Variants in PLXNA4 observed in about 807,000 individuals in gnomAD.
PLXNA4 encodes plexin-A4.
Under a neutral mutation model 191.8 loss-of-function variants are expected in PLXNA4, and 44 were observed. The ratio of observed to expected loss-of-function variants is 0.23; its 90% CI spans 0.18 to 0.29. The LOEUF (loss-of-function observed/expected upper bound fraction) is 0.29, where lower values mean the gene tolerates loss of function less well. PLXNA4 is among the 10% of genes least tolerant of loss of function. PLXNA4 has a pLI of 1.00. For synonymous variants in PLXNA4, 1,082 were observed against 1,009.5 expected (o/e 1.07, Z -1.36); for missense variants, 1,800 against 2,488.8 (o/e 0.72, Z 5.89).
chr7:132,221,437 T>G (rs1798141978), intron 9 of PLXNA4, among the ~76,000 whole-genome samples: 1 of 152,228 alleles, frequency 6.6e-6, no homozygotes, highest in South Asian at 2.1e-4. Context: ...TCCCATCAAG[T>G]TATTTGCAGG....
chr7:132,191,795 T>TCTCTCTCTCTCTCTCTCC (rs1689310153), intron 14 of PLXNA4, among the ~76,000 whole-genome samples: 1 of 151,456 alleles, frequency 6.6e-6, no homozygotes, highest in African/African-American at 2.4e-5. Flanking sequence ...TCTCTCTCTC[T>TCTCTCTCTCTCTCTCTCC]GTCTCTATGT....
intron 4 of PLXNA4, chr7:132,271,252 A>G (rs1442285205): frequency 2.0e-5 from 3 of 152,262 alleles, no homozygotes; most frequent in East Asian, 1.9e-4. Context: ...GAGAAATAAA[A>G]TGTTATGTGT....
intron 24 of PLXNA4, among the ~76,000 whole-genome samples, chr7:132,162,715 A>G (rs1795986969): frequency 1.3e-5 from 2 of 152,052 alleles, no homozygotes; most frequent in African/African-American, 4.8e-5. Context: ...GCCAGAAAGC[A>G]GGGGCCTCAT....
intron 13 of PLXNA4, among the ~76,000 whole-genome samples, chr7:132,194,587 C>T (rs1797195730): frequency 6.6e-6 from 1 of 152,160 alleles, no homozygotes; most frequent in Non-Finnish European, 1.5e-5. Context: ...TGGAACAGAC[C>T]TAAGGTTTTC....
intron 7 of PLXNA4, among the ~76,000 whole-genome samples, chr7:132,227,221 C>T (rs1798355625): frequency 6.6e-6 from 1 of 152,198 alleles, no homozygotes; most frequent in South Asian, 2.1e-4. Flanking sequence ...ATGAGGGTGA[C>T]TCTTGGGGGC....
In PLXNA4 at chr7:132,124,746, C is replaced by G. The variant is rs530497104; in HGVS notation, c.*5733G>C. ...AGAGAGCCAAGCATAGACATCAAAG[C>G]GGGTGGGAATGGAATAAAGTGAGGC... On this transcript the variant is annotated 3_prime_UTR_variant, in exon 32 of 32. Coordinates refer to ENST00000321063, the MANE Select transcript of PLXNA4 (RefSeq NM_020911.2). 1 of 152,192 alleles carries G rather than the reference C, an allele frequency of 6.6e-6. No homozygotes were observed. The highest frequency in any genetic ancestry group is 6.5e-5 in the Admixed American group (1 of 15,280). 9.4% of individuals were successfully genotyped at this position (152,192 alleles called of 1,614,324 possible).
intron 3 of PLXNA4, among the ~76,000 whole-genome samples, chr7:132,427,509 C>T (rs963090039): frequency 3.3e-5 from 5 of 152,168 alleles, no homozygotes; most frequent in Non-Finnish European, 7.4e-5. Flanking sequence ...TCATGGGTGA[C>T]AATTGTGGGG....
chr7:132,379,638 C>A (rs1365985485), intron 3 of PLXNA4, among the ~76,000 whole-genome samples: 1 of 152,118 alleles, frequency 6.6e-6, no homozygotes, highest in African/African-American at 2.4e-5. Flanking sequence ...CTCTGAGCAA[C>A]CAGCATAGTG....
chr7:132,641,479 A>T (rs1380595788), intron 2 of PLXNA4, among the ~76,000 whole-genome samples: 1 of 152,092 alleles, frequency 6.6e-6, no homozygotes, highest in East Asian at 1.9e-4. Context: ...GACCTTATTT[A>T]ACCTTAATTA....
chr7:132,496,113 C>T (rs191823731), intron 2 of PLXNA4, among the ~76,000 whole-genome samples: 1 of 152,342 alleles, frequency 6.6e-6, no homozygotes, highest in Non-Finnish European at 1.5e-5. Context: ...AGAGAATGGA[C>T]CACCAACTGC....
At chr7:132,178,390 G>A (rs1224594784) in intron 20 of PLXNA4, among the ~76,000 whole-genome samples, 1 of 152,170 alleles carries the variant, frequency 6.6e-6, no homozygotes, top group African/African-American at 2.4e-5. Flanking sequence ...TCGGCCCACA[G>A]GGAGCAGAAG....
At chr7:132,599,085 C>T (rs565338448) in intron 2 of PLXNA4, among the ~76,000 whole-genome samples, 21 of 152,308 alleles carry the variant, frequency 1.4e-4, no homozygotes, top group African/African-American at 4.3e-4. Flanking sequence ...CCTATACTGA[C>T]TCTGTTCCAT....
chr7:132,362,617 A>G (rs1682123544), intron 3 of PLXNA4, among the ~76,000 whole-genome samples: 1 of 152,184 alleles, frequency 6.6e-6, no homozygotes, highest in Admixed American at 6.5e-5. Context: ...GTGACCCGTT[A>G]ACTGATGTCT....
chr7:132,280,555 G>A lies in PLXNA4; in HGVS notation c.1503+17536C>T, dbSNP rs1288312334. On this transcript the variant is annotated intron_variant, in intron 4 of 31. Transcript: ENST00000321063. ...CTGTCTGGGGATTTCTTATCTGTCAGCACCATCTCAAATTCCTATAGTGAC... is the reference window on the plus strand; with the variant it reads ...CTGTCTGGGGATTTCTTATCTGTCAACACCATCTCAAATTCCTATAGTGAC... Among the ~76,000 whole-genome samples, 6 of 152,094 alleles carry A rather than the reference G, an allele frequency of 3.9e-5. No individual in the cohort carries two copies. In the East Asian group the frequency reaches 9.6e-4, roughly 24 times the overall value.
intron 3 of PLXNA4, among the ~76,000 whole-genome samples, chr7:132,431,315 C>T (rs1280883606): frequency 6.6e-6 from 1 of 152,100 alleles, no homozygotes; most frequent in Non-Finnish European, 1.5e-5. Context: ...AATCACTCCC[C>T]ACCTCCCCTC....
chr7:132,485,329 G>A (rs139952770), intron 3 of PLXNA4, among the ~76,000 whole-genome samples: 22 of 152,262 alleles, frequency 1.4e-4, no homozygotes, highest in Non-Finnish European at 2.1e-4. Flanking sequence ...CAGGGAAGAC[G>A]CAATCACCAG....
chr7:132,460,053 A>G (rs1028090729), intron 3 of PLXNA4, among the ~76,000 whole-genome samples: 1 of 152,022 alleles, frequency 6.6e-6, no homozygotes, highest in Non-Finnish European at 1.5e-5. Context: ...ATTCAGATAC[A>G]ACTGTTTAAA....
chr7:132,566,008 C>A (rs1050376582), intron 1 of PLXNA4, among the ~76,000 whole-genome samples: 2 of 152,216 alleles, frequency 1.3e-5, no homozygotes, highest in African/African-American at 4.8e-5. Context: ...TGATTTACTG[C>A]TAATTCATTT....
rs1295646142 is a variant in PLXNA4 at position 132,241,152 on chromosome 7, A to C, written c.1518T>G (p.Pro506=). 6.2e-7 allele frequency: 1 copy of C among 1,612,256 alleles called. No individual in the cohort carries two copies. Among genetic ancestry groups the C allele is most frequent in the Middle Eastern group, 1.7e-4 (1 of 6,054 alleles). ...IMSERQLTRV[P]VESCGQYQSC... ...TCTGATACTGACCACAGGACTCCAC[A>C]GGGACTCTGGTGAGCTAGGACAGCA... Residue 506 remains proline, a synonymous_variant, in exon 5 of 32, where the codon CCT becomes CCG. Coordinates refer to ENST00000321063, the MANE Select transcript of PLXNA4 (RefSeq NM_020911.2).
Sources: gnomAD v4.1 joint callset for allele counts (sites outside exome capture counted in the v4.1 genomes callset) on GRCh38, gnomAD v4.1.1 for gene constraint, MANE v1.5 for transcripts, NCBI Gene and HGNC (gene_info 2026-07-23, HGNC 2026-07-21) for gene names.